Variants in VAV2 observed in about 807,000 individuals in gnomAD.
VAV2 encodes guanine nucleotide exchange factor VAV2.
VAV2 carries 67 observed loss-of-function variants against 132.5 expected under a neutral mutation model. The observed-to-expected ratio is 0.51, with a 90% CI of 0.42 to 0.62. The LOEUF (loss-of-function observed/expected upper bound fraction) is 0.62, where lower values mean the gene tolerates loss of function less well. VAV2 is among the 20% of genes least tolerant of loss of function. The pLI is 0.00. For synonymous variants in VAV2, 492 were observed against 443.5 expected, an observed-to-expected ratio of 1.11 and a Z score of -1.37; for missense variants, 938 against 1,153.6, an observed-to-expected ratio of 0.81 and a Z score of 2.71.
rs1834960702 is a variant in VAV2 at position 133,802,304 on chromosome 9, A to G, written c.836+3777T>C. Among the ~76,000 whole-genome samples the G allele has an allele frequency of 6.9e-6, 1 of 145,000 alleles. No individual in the cohort carries two copies. On this transcript the variant is annotated intron_variant, in intron 9 of 29. Coordinates refer to ENST00000371850, the MANE Select transcript of VAV2 (RefSeq NM_001134398.2). The surrounding 1 kb of genome is among the most constrained non-coding windows in gnomAD (Gnocchi z 5.8). ...CACACACACACATGCATGTGCACACAAACACACAAGCACGCGTGTACACAC... is the reference window on the plus strand; with the variant it reads ...CACACACACACATGCATGTGCACACGAACACACAAGCACGCGTGTACACAC...
In VAV2 at chr9:133,791,873, G is replaced by A. The variant is rs747897652; in HGVS notation, c.1102-4C>T. 2 of 1,582,476 alleles carry A rather than the reference G, an allele frequency of 1.3e-6. No individual in the cohort carries two copies. Among genetic ancestry groups the A allele is most frequent in the African/African-American group, 2.9e-5 (2 of 67,998 alleles). On this transcript the variant is annotated splice_region_variant and splice_polypyrimidine_tract_variant and intron_variant, in intron 12 of 29. Transcript: ENST00000371850. ...CATTGATGTACATCGCCAAGTCCTT[G>A]AAAACAAGAGGCAGAGGTGAGCGGG...
intron 4 of VAV2, among the ~76,000 whole-genome samples, chr9:133,831,829 T>C (rs1836277311): frequency 6.6e-6 from 1 of 152,162 alleles, no homozygotes; most frequent in Non-Finnish European, 1.5e-5. Context: ...ACAGGCTCTG[T>C]GTGGTGGGGG....
intron 1 of VAV2, among the ~76,000 whole-genome samples, chr9:133,942,495 G>A (rs1841201538): frequency 6.6e-6 from 1 of 152,274 alleles, no homozygotes; most frequent in African/African-American, 2.4e-5. Flanking sequence ...CTGAGCCGGG[G>A]CAGGGGCTAC....
intron 4 of VAV2, 22 bp from the exon 5 acceptor site, chr9:133,812,238 A>AGAGGG: frequency 1.2e-6 from 2 of 1,611,370 alleles, no homozygotes; most frequent in East Asian, 2.2e-5. Context: ...GAGGCGGGTT[A>AGAGGG]GAGGGGAGGG....
intron 11 of VAV2, among the ~76,000 whole-genome samples, chr9:133,795,943 G>A (rs1489164919): frequency 2.6e-5 from 4 of 152,254 alleles, no homozygotes; most frequent in South Asian, 2.1e-4. Context: ...TGGCAGGGGC[G>A]CTCCCAAACC....
intron 3 of VAV2, among the ~76,000 whole-genome samples, chr9:133,842,687 G>A (rs1483449187): frequency 1.3e-5 from 2 of 152,232 alleles, no homozygotes; most frequent in East Asian, 3.9e-4. Flanking sequence ...CTTTGGGAGG[G>A]CCAGGTGCTG....
rs2073931 is a variant in VAV2 at position 133,863,468 on chromosome 9, C to A, written c.322-2036G>T. On this transcript the variant is annotated intron_variant, in intron 2 of 29. Transcript: ENST00000371850. This position sits in a 1 kb window ranked among gnomAD's most constrained non-coding sequence, Gnocchi z 5.0. Reference sequence around the variant, plus strand: ...GATGGAACCGGAGACAGAGAGGAGGCGTGGCGGGCGAGCCAGCCAAGGCCA... The same window carrying A: ...GATGGAACCGGAGACAGAGAGGAGGAGTGGCGGGCGAGCCAGCCAAGGCCA... Among the ~76,000 whole-genome samples the A allele has an allele frequency of 0.039, 5,902 of 152,248 alleles. 348 individuals are homozygous for A. The highest frequency in any genetic ancestry group is 0.13 in the African/African-American group (5,242 of 41,520).
intron 2 of VAV2, among the ~76,000 whole-genome samples, chr9:133,903,328 C>T (rs914837353): frequency 3.9e-5 from 6 of 152,282 alleles, no homozygotes; most frequent in Admixed American, 2.6e-4. Context: ...CCCTCGGGCC[C>T]CTTCCTCTAC....
rs552209152 is a variant in VAV2, at chr9:133,840,425, C to G, written c.381-6085G>C. ...GCTTCCTCAGCACCCACTCCCCACT[C>G]CTGCCCCTGAGCCACTGCTTGCTCA... On this transcript the variant is annotated intron_variant, in intron 3 of 29. Transcript: ENST00000371850. This position sits in a 1 kb window ranked among gnomAD's most constrained non-coding sequence, Gnocchi z 4.5. 6.6e-6 allele frequency among the ~76,000 whole-genome samples: 1 copy of G among 152,298 alleles called. No homozygotes were observed. Among genetic ancestry groups the G allele is most frequent in the African/African-American group, 2.4e-5 (1 of 41,554 alleles).
At chr9:133,971,421 C>G (rs1461200495) in intron 1 of VAV2, among the ~76,000 whole-genome samples, 1 of 152,174 alleles carries the variant, frequency 6.6e-6, no homozygotes, top group South Asian at 2.1e-4. Flanking sequence ...GACTCTCTAG[C>G]CTAGAAACTG....
intron 23 of VAV2, 50 bp downstream of exon 23, chr9:133,777,339 T>A: frequency 6.3e-7 from 1 of 1,598,882 alleles, no homozygotes; most frequent in African/African-American, 1.3e-5. Context: ...CCCAGAACCC[T>A]CAGCACCCAG....
At chr9:133,866,437 G>A (rs1837802829) in intron 2 of VAV2, among the ~76,000 whole-genome samples, 1 of 152,198 alleles carries the variant, frequency 6.6e-6, no homozygotes, top group Non-Finnish European at 1.5e-5. Flanking sequence ...TGAGCCTGCA[G>A]CCCATCGGTG....
chr9:133,770,735 C>G (rs1480788586), intron 26 of VAV2, among the ~76,000 whole-genome samples: 1 of 152,190 alleles, frequency 6.6e-6, no homozygotes, highest in Admixed American at 6.5e-5. Context: ...CAAGACTGAC[C>G]AGCACGGACA....
chr9:133,954,634 G>A (rs1016039607), intron 1 of VAV2, among the ~76,000 whole-genome samples: 2 of 152,248 alleles, frequency 1.3e-5, no homozygotes, highest in Non-Finnish European at 2.9e-5. Context: ...GCGGGCGGGG[G>A]ATGCTGCTGA....
intron 4 of VAV2, among the ~76,000 whole-genome samples, chr9:133,821,658 C>A (rs769574131): frequency 1.1e-4 from 16 of 152,198 alleles, no homozygotes; most frequent in Non-Finnish European, 1.9e-4. Context: ...TTTTTTAAAA[C>A]CTAGGAGACT....
At chr9:133,896,764 T>C (rs1051042463) in intron 2 of VAV2, among the ~76,000 whole-genome samples, 3 of 152,112 alleles carry the variant, frequency 2.0e-5, no homozygotes, top group African/African-American at 7.2e-5. Flanking sequence ...ATAAATGACA[T>C]TTTCTTTTCT....
chr9:133,882,266 G>A (rs1268335304), intron 2 of VAV2, among the ~76,000 whole-genome samples: 2 of 152,244 alleles, frequency 1.3e-5, no homozygotes, highest in Non-Finnish European at 2.9e-5. Flanking sequence ...GGTGAAGCAC[G>A]CAGGCCGCCA....
chr9:133,801,911 A>G (rs1193621009), intron 9 of VAV2, among the ~76,000 whole-genome samples: 1 of 152,114 alleles, frequency 6.6e-6, no homozygotes, highest in Non-Finnish European at 1.5e-5. Flanking sequence ...GCACACCTGG[A>G]CTTTGGCTCA....
intron 2 of VAV2, among the ~76,000 whole-genome samples, chr9:133,870,584 T>G (rs562972904): frequency 3.0e-4 from 46 of 152,014 alleles, no homozygotes; most frequent in Non-Finnish European, 5.0e-4. Flanking sequence ...AATGCAGGAG[T>G]CTGAGAGACC....
Sources: gnomAD v4.1 joint callset for allele counts (sites outside exome capture counted in the v4.1 genomes callset) on GRCh38, gnomAD v4.1.1 for gene constraint, Gnocchi (gnomAD v3.1) non-coding constraint, MANE v1.5 for transcripts, NCBI Gene and HGNC (gene_info 2026-07-23, HGNC 2026-07-21) for gene names.